VWA8: variants seen among roughly 807,000 people sequenced by gnomAD.
The protein encoded by VWA8 is von Willebrand factor A domain containing 8.
A neutral mutation model predicts 241.5 loss-of-function variants in VWA8; 221 were observed. The ratio of observed to expected loss-of-function variants is 0.91; its 90% CI spans 0.82 to 1.02. The LOEUF is 1.02. Among genes scored for constraint, VWA8 ranks in the 50% least tolerant of loss-of-function variants. The probability of loss-of-function intolerance (pLI) is 0.00; values close to 1 mark genes in which losing one functional copy is unlikely to be tolerated. For synonymous variants in VWA8, 852 were observed against 827.1 expected, an observed-to-expected ratio of 1.03 and a Z score of -0.52; for missense variants, 2,322 against 2,328.7, an observed-to-expected ratio of 1.00 and a Z score of 0.06.
intron 40 of VWA8, among the ~76,000 whole-genome samples, chr13:41,594,494 T>C (rs531763182): frequency 3.4e-4 from 52 of 152,046 alleles, no homozygotes; most frequent in African/African-American, 1.2e-3. Context: ...ACAGAGAAAA[T>C]AAAAAATGTT....
intron 21 of VWA8, among the ~76,000 whole-genome samples, chr13:41,738,801 T>G (rs1429224138): frequency 6.6e-6 from 1 of 152,112 alleles, no homozygotes; most frequent in African/African-American, 2.4e-5. Flanking sequence ...TTCTAATCAT[T>G]TTTTTGAAAA....
chr13:41,569,480 TAA>T (rs963805650), intron 44 of VWA8, among the ~76,000 whole-genome samples: 20 of 152,272 alleles, frequency 1.3e-4, no homozygotes, highest in African/African-American at 4.3e-4. Flanking sequence ...TACATGATAT[TAA>T]GTCTGTTCTC....
At chr13:41,659,449 T>C (rs2044933673) in intron 37 of VWA8, among the ~76,000 whole-genome samples, 1 of 152,236 alleles carries the variant, frequency 6.6e-6, no homozygotes. Context: ...ACAGCATTGG[T>C]ATATGATTAG....
At chr13:41,597,593 G>C (rs1454761626) in intron 40 of VWA8, among the ~76,000 whole-genome samples, 1 of 152,010 alleles carries the variant, frequency 6.6e-6, no homozygotes, top group Non-Finnish European at 1.5e-5. Flanking sequence ...TCATTATGTT[G>C]AGTAACACTA....
At chr13:41,733,063 A>C (rs1209645943) in intron 21 of VWA8, among the ~76,000 whole-genome samples, 1 of 152,226 alleles carries the variant, frequency 6.6e-6, no homozygotes, top group African/African-American at 2.4e-5. Flanking sequence ...AGTAAAGCAC[A>C]AAGTTGCAAT....
Position 41,704,977 on chromosome 13 carries a change from A to G in VWA8, c.3117-1566T>C, listed in dbSNP as rs192999788. Among the ~76,000 whole-genome samples the G allele has an allele frequency of 9.3e-4, 142 of 152,388 alleles. 1 individual carries two copies. The South Asian group carries it at 0.015, about 16-fold the overall frequency. ...AATTATTTTATTTAAAGTAAAAAGT[A>G]GTCTGACATAATATTTCCATATGCT... On this transcript the variant is annotated intron_variant, in intron 26 of 44. Transcript: ENST00000379310.
At position 41,787,471 on chromosome 13, in the gene VWA8, A is replaced by G. The variant is rs1869248779; in HGVS notation, c.2136T>C (p.Asp712=). ...CCTTCAGTTCTGGCTCCAAATTGTC[A>G]TCAGTATTTATTTCTATTGTAGCAT... The part of the protein sequence containing the change: ...LADATIEINT[D]DNLEPELKDY... The change falls in exon 18 of 45, where the codon GAT becomes GAC. Residue 712 remains aspartate, a synonymous_variant. Transcript: ENST00000379310. 1.9e-6 allele frequency: 3 copies of G among 1,612,610 alleles called. No individual in the cohort carries two copies. Among genetic ancestry groups the G allele is most frequent in the Non-Finnish European group, 2.5e-6 (3 of 1,179,284 alleles).
intron 35 of VWA8, among the ~76,000 whole-genome samples, chr13:41,676,868 A>C (rs1397574532): frequency 3.9e-5 from 6 of 152,012 alleles, no homozygotes; most frequent in African/African-American, 1.2e-4. Flanking sequence ...CCTGACCCCA[A>C]GTGATCTGCC....
At position 41,703,418 on chromosome 13, in the gene VWA8, AGG is replaced by A. The variant is rs1464299537; in HGVS notation, c.3117-9_3117-8del. On this transcript the variant is annotated splice_region_variant and splice_polypyrimidine_tract_variant and intron_variant, in intron 26 of 44. Coordinates refer to ENST00000379310, the MANE Select transcript of VWA8 (RefSeq NM_015058.2). The stretch of plus-strand genomic sequence containing the variant: ...TTGTTCTGGCAGAGTCAACCTGTTA[AGG>A]ATGATTTGCAAAGTAAATATTTCTT... 1 of 1,613,106 alleles carries A rather than the reference AGG, an allele frequency of 6.2e-7. No homozygotes were observed. Among genetic ancestry groups the A allele is most frequent in the Non-Finnish European group, 8.5e-7 (1 of 1,179,386 alleles).
intron 30 of VWA8, 149 bp from the exon 31 acceptor site, chr13:41,692,087 C>T (rs752553278): frequency 8.1e-5 from 45 of 556,962 alleles, no homozygotes; most frequent in Non-Finnish European, 1.4e-4. Context: ...TGCTCTAAGA[C>T]TCTTATGGTA....
At chr13:41,592,014 C>T (rs1369174366) in intron 40 of VWA8, among the ~76,000 whole-genome samples, 5 of 149,520 alleles carry the variant, frequency 3.3e-5, no homozygotes, top group African/African-American at 9.8e-5. Context: ...GACACATGCA[C>T]ACGTATGTTT....
intron 2 of VWA8, among the ~76,000 whole-genome samples, chr13:41,929,247 C>T (rs921204469): frequency 6.6e-6 from 1 of 151,560 alleles, no homozygotes; most frequent in African/African-American, 2.4e-5. Context: ...TCTCAACCTC[C>T]CAGGCTTAAG....
At chr13:41,574,538 C>CCAT (rs1186829840) in intron 43 of VWA8, among the ~76,000 whole-genome samples, 7 of 152,122 alleles carry the variant, frequency 4.6e-5, no homozygotes, top group African/African-American at 1.4e-4. Context: ...CATCAAAATA[C>CCAT]CATCATTATT....
chr13:41,907,777 C>A, intron 3 of VWA8, 81 bp from the exon 4 acceptor site: 2 of 1,216,252 alleles, frequency 1.6e-6, no homozygotes, highest in Non-Finnish European at 2.4e-6. Flanking sequence ...TCTGACAATG[C>A]CATTGCCCAT....
chr13:41,723,173 T>C (rs573360897), intron 24 of VWA8, among the ~76,000 whole-genome samples: 91 of 152,302 alleles, frequency 6.0e-4, no homozygotes, highest in African/African-American at 2.0e-3. Context: ...CTCTCTCTCT[T>C]TCTTTCTTTG....
At chr13:41,864,468 A>G (rs1873194171) in intron 12 of VWA8, 1 of 335,320 alleles carries the variant, frequency 3.0e-6, no homozygotes, top group African/African-American at 2.2e-5. Flanking sequence ...AAAGAGTGGT[A>G]TAGACATACA....
chr13:41,911,910 C>A, intron 3 of VWA8, 128 bp downstream of exon 3: 2 of 1,123,948 alleles, frequency 1.8e-6, no homozygotes, highest in Non-Finnish European at 2.3e-6. Context: ...AAACAAATCA[C>A]CCTTTGATGT....
chr13:41,685,207 T>C lies in VWA8; in HGVS notation c.4167A>G (p.Ser1389=), dbSNP rs970320304. ...PSEVYSWKRP[S]SLHKRSGTDT... Reference sequence around the variant, plus strand: ...CAGTGCCACTTCGTTTATGCAAAGATGATGGTCTCTTCCAAGAATAAACTT... The same window carrying C: ...CAGTGCCACTTCGTTTATGCAAAGACGATGGTCTCTTCCAAGAATAAACTT... The change falls in exon 35 of 45, where the codon TCA becomes TCG. Residue 1389 remains serine, a synonymous_variant. Coordinates refer to ENST00000379310, the MANE Select transcript of VWA8 (RefSeq NM_015058.2). 1.9e-5 allele frequency: 31 copies of C among 1,612,834 alleles called. No homozygotes were observed. The highest frequency in any genetic ancestry group is 6.7e-5 in the African/African-American group (5 of 74,806).
chr13:41,746,730 C>T (rs996290244), intron 21 of VWA8, among the ~76,000 whole-genome samples: 1 of 151,886 alleles, frequency 6.6e-6, no homozygotes, highest in African/African-American at 2.4e-5. Context: ...TCACTATTGA[C>T]AAAAATGGAA....
Sources: gnomAD v4.1 joint callset for allele counts (sites outside exome capture counted in the v4.1 genomes callset) on GRCh38, gnomAD v4.1.1 for gene constraint, MANE v1.5 for transcripts, NCBI Gene and HGNC (gene_info 2026-07-23, HGNC 2026-07-21) for gene names.